TMCO5A: variants seen among roughly 807,000 people sequenced by gnomAD.
TMCO5A encodes transmembrane and coiled-coil domains 5A, also known as transmembrane and coiled-coil domain-containing protein 5A.
A neutral mutation model predicts 42.3 loss-of-function variants in TMCO5A; 34 were observed. The observed-to-expected ratio is 0.80, with a 90% CI of 0.61 to 1.07. The LOEUF is 1.07. TMCO5A is among the 50% of genes least tolerant of loss of function. The probability of loss-of-function intolerance (pLI) is 0.00; values close to 1 mark genes in which losing one functional copy is unlikely to be tolerated. For synonymous variants in TMCO5A, 131 were observed against 115.6 expected (o/e 1.13, Z -0.86); for missense variants, 357 against 327.9 (o/e 1.09, Z -0.69).
Position 37,937,341 on chromosome 15 carries a change from C to T in TMCO5A, c.265-5C>T, listed in dbSNP as rs370805096. The stretch of plus-strand genomic sequence containing the variant: ...CAGATTTACACTGTTATTTCTCTCT[C>T]ACAGGAAAGGAAGAATAAGACGTTG... On this transcript the variant is annotated splice_region_variant and splice_polypyrimidine_tract_variant and intron_variant, in intron 4 of 11. Coordinates refer to ENST00000319669, the MANE Select transcript of TMCO5A (RefSeq NM_152453.4). 6.2e-6 allele frequency: 10 copies of T among 1,612,856 alleles called. No individual in the cohort carries two copies. In the African/African-American group the frequency reaches 8.0e-5, roughly 13 times the overall value.
chr15:37,936,279 C>A (rs1889506336), intron 2 of TMCO5A, 35 bp from the exon 3 acceptor site: 1 of 1,585,128 alleles, frequency 6.3e-7, no homozygotes, highest in Non-Finnish European at 8.6e-7. Context: ...CTTGAGATAA[C>A]TGGCCCTTGT....
intron 6 of TMCO5A, among the ~76,000 whole-genome samples, chr15:37,939,196 G>A (rs1462100363): frequency 2.0e-5 from 3 of 151,982 alleles, no homozygotes; most frequent in Non-Finnish European, 4.4e-5. Context: ...CCTGCACTTG[G>A]TTGTGTGTAT....
chr15:37,955,734 A>G (rs1171188503), downstream of TMCO5A, among the ~76,000 whole-genome samples: 1 of 152,156 alleles, frequency 6.6e-6, no homozygotes, highest in Non-Finnish European at 1.5e-5. Flanking sequence ...TCAGCTCTGG[A>G]CCAAGCAGAT....
downstream of TMCO5A, among the ~76,000 whole-genome samples, chr15:37,954,313 G>A (rs1379460992): frequency 7.2e-5 from 11 of 151,884 alleles, no homozygotes; most frequent in Non-Finnish European, 1.5e-4. Flanking sequence ...CAAGAGAAAA[G>A]AAAAAAATAA....
the TMCO5A span, among the ~76,000 whole-genome samples, chr15:38,000,408 C>CT: frequency 2.0e-5 from 3 of 151,360 alleles, no homozygotes; most frequent in African/African-American, 7.3e-5. Flanking sequence ...GGTCTTCTCT[C>CT]TTTTTTTCTT....
the TMCO5A span, among the ~76,000 whole-genome samples, chr15:37,993,101 A>C: frequency 6.6e-6 from 1 of 152,148 alleles, no homozygotes; most frequent in South Asian, 2.1e-4. Flanking sequence ...CTATTTATCA[A>C]TATTTTCATT....
the TMCO5A span, among the ~76,000 whole-genome samples, chr15:38,018,563 CA>C: frequency 5.4e-5 from 8 of 147,728 alleles, no homozygotes; most frequent in East Asian, 1.6e-3. Flanking sequence ...ACCCAACTGG[CA>C]AAAAAAAGAG....
chr15:37,969,485 G>A (rs779689834), downstream of TMCO5A, among the ~76,000 whole-genome samples: 8 of 152,152 alleles, frequency 5.3e-5, no homozygotes, highest in Non-Finnish European at 8.8e-5. Context: ...CACCCTAAAT[G>A]AGAATACCCA....
the TMCO5A span, among the ~76,000 whole-genome samples, chr15:37,975,033 C>T: frequency 1.3e-5 from 2 of 152,158 alleles, no homozygotes; most frequent in South Asian, 4.2e-4. Context: ...GTTTAATTTC[C>T]ATGTAACAGT....
At chr15:37,941,310 C>A in intron 7 of TMCO5A, 105 bp downstream of exon 7, 1 of 1,184,168 alleles carries the variant, frequency 8.4e-7, no homozygotes, top group South Asian at 1.3e-5. Flanking sequence ...GGTTCCAGAT[C>A]CAAGACCATG....
At chr15:38,030,823 C>A in the TMCO5A span, among the ~76,000 whole-genome samples, 1 of 152,208 alleles carries the variant, frequency 6.6e-6, no homozygotes, top group African/African-American at 2.4e-5. Flanking sequence ...CTTTGGGTCC[C>A]TGTTTACATG....
At chr15:38,005,844 G>A in the TMCO5A span, among the ~76,000 whole-genome samples, 1 of 152,200 alleles carries the variant, frequency 6.6e-6, no homozygotes, top group African/African-American at 2.4e-5. Flanking sequence ...CTGTGCAGCA[G>A]GGATGCAGCC....
At chr15:37,949,572 T>A (rs1023569124) in intron 11 of TMCO5A, among the ~76,000 whole-genome samples, 2 of 152,024 alleles carry the variant, frequency 1.3e-5, no homozygotes, top group Admixed American at 6.6e-5. Flanking sequence ...GTGACAGTGA[T>A]TGCATGTCAA....
intron 2 of TMCO5A, 173 bp from the exon 3 acceptor site, chr15:37,936,141 C>G (rs753026681): frequency 1.9e-5 from 13 of 681,796 alleles, no homozygotes; most frequent in Non-Finnish European, 2.6e-5. Context: ...TGCGAATTAT[C>G]GAAACAGTTG....
chr15:37,960,147 A>C (rs1219199385), intron 11 of TMCO5A, among the ~76,000 whole-genome samples: 1 of 151,382 alleles, frequency 6.6e-6, no homozygotes, highest in Non-Finnish European at 1.5e-5. Context: ...AGTCTTTTTT[A>C]AAATATTTTT....
intron 11 of TMCO5A, among the ~76,000 whole-genome samples, chr15:37,960,295 A>G (rs1890391125): frequency 6.6e-6 from 1 of 151,950 alleles, no homozygotes; most frequent in Non-Finnish European, 1.5e-5. Context: ...TTGGTTTTCC[A>G]TTCCTGAGTT....
At chr15:37,967,661 C>T (rs1421491195) in exon 12 of TMCO5A, 1 of 152,154 alleles carries the variant, frequency 6.6e-6, no homozygotes, top group East Asian at 1.9e-4. Context: ...GCACTATTCA[C>T]TGCAGTGAAG....
chr15:38,010,727 G>C, the TMCO5A span, among the ~76,000 whole-genome samples: 2 of 151,956 alleles, frequency 1.3e-5, no homozygotes, highest in African/African-American at 4.8e-5. Flanking sequence ...CCGGTGTAAC[G>C]ATACTCTTTA....
chr15:38,031,399 G>A, the TMCO5A span, among the ~76,000 whole-genome samples: 36 of 152,194 alleles, frequency 2.4e-4, no homozygotes, highest in African/African-American at 8.7e-4. Context: ...TAGTCTGTGT[G>A]ACCAACAGCA....
Sources: gnomAD v4.1 joint callset for allele counts (sites outside exome capture counted in the v4.1 genomes callset) on GRCh38, gnomAD v4.1.1 for gene constraint, MANE v1.5 for transcripts, NCBI Gene and HGNC (gene_info 2026-07-23, HGNC 2026-07-21) for gene names.